GCFC2: variants seen among roughly 807,000 people sequenced by gnomAD.
GCFC2 encodes the protein GC-rich sequence DNA-binding factor 2, also known as intron Large complex component GCFC2.
GCFC2 carries 102 observed loss-of-function variants against 99.4 expected under a neutral mutation model. The ratio of observed to expected loss-of-function variants is 1.03; its 90% CI spans 0.87 to 1.21. The LOEUF (loss-of-function observed/expected upper bound fraction) is 1.21, where lower values mean the gene tolerates loss of function less well. Ranked by LOEUF, GCFC2 falls within the 50% of genes most tolerant of loss-of-function variation. The pLI is 0.00. For missense variants in GCFC2, 973 were observed against 920.9 expected (o/e 1.06, Z -0.73); for synonymous variants, 338 against 316.8 (o/e 1.07, Z -0.71).
rs1366222998 is a variant in GCFC2, at chr2:75,672,878, T to C, written c.1889+566A>G. Among the ~76,000 whole-genome samples the C allele has an allele frequency of 2.0e-5, 3 of 152,232 alleles. No individual in the cohort carries two copies. The East Asian group carries it at 5.8e-4, about 29-fold the overall frequency. On this transcript the variant is annotated intron_variant, in intron 13 of 16. Coordinates refer to ENST00000321027, the MANE Select transcript of GCFC2 (RefSeq NM_003203.5). ...TCACCTGCTATGTTCCTAGGATATA[T>C]GTAAAACCAAAACCAAAACCAACCA... is the stretch of plus-strand genomic sequence containing the variant.
chr2:75,700,010 C>T (rs1422537281), intron 4 of GCFC2, among the ~76,000 whole-genome samples: 2 of 151,910 alleles, frequency 1.3e-5, no homozygotes, highest in East Asian at 3.9e-4. Context: ...AAGCAATCCT[C>T]CCACTTCAGC....
In GCFC2 at chr2:75,710,848, T is replaced by G; in HGVS notation, c.8A>C (p.His3Pro). 1.3e-6 allele frequency: 2 copies of G among 1,571,596 alleles called. No individual in the cohort carries two copies. The highest frequency in any genetic ancestry group is 4.8e-5 in the East Asian group (2 of 41,302). The part of the protein sequence containing the change: MA[H>P]RPKRTFRQRA... The stretch of plus-strand genomic sequence containing the variant: ...CTGCCGAAAAGTCCTTTTCGGCCTG[T>G]GAGCCATGGCCGAGGCCCGAGCGCC... Residue 3 changes from histidine (H) to proline (P), a missense_variant, in exon 1 of 17, where the codon CAC becomes CCC. His to Pro is a moderately conservative substitution (Grantham distance 77). Transcript: ENST00000321027.
intron 15 of GCFC2, among the ~76,000 whole-genome samples, chr2:75,669,150 G>C (rs1364946478): frequency 6.6e-6 from 1 of 152,042 alleles, no homozygotes; most frequent in Non-Finnish European, 1.5e-5. Context: ...ACTGTTGCAC[G>C]TGTTTTGGCC....
upstream of GCFC2, among the ~76,000 whole-genome samples, chr2:75,712,821 G>C (rs1247363066): frequency 6.6e-6 from 1 of 152,064 alleles, no homozygotes. Context: ...TCACCGCGAG[G>C]GTCCGCAGCT....
intron 15 of GCFC2, among the ~76,000 whole-genome samples, chr2:75,667,977 A>T (rs1287413750): frequency 6.6e-6 from 1 of 152,216 alleles, no homozygotes; most frequent in Non-Finnish European, 1.5e-5. Flanking sequence ...CTAGGTTTCC[A>T]TTAGCAACCA....
rs2104374329 is a variant in GCFC2 at position 75,696,195 on chromosome 2, C to T, written c.833+5G>A. On this transcript the variant is annotated splice_donor_5th_base_variant and intron_variant, in intron 5 of 16. Coordinates refer to ENST00000321027, the MANE Select transcript of GCFC2 (RefSeq NM_003203.5). Reference sequence around the variant, plus strand: ...AATGTAAATTTCAAAATGAGTATTGCTCACCTAGTATTTAATTGCTTCTTT... The same window carrying T: ...AATGTAAATTTCAAAATGAGTATTGTTCACCTAGTATTTAATTGCTTCTTT... 3.2e-6 allele frequency: 3 copies of T among 932,584 alleles called. No individual in the cohort carries two copies. Among genetic ancestry groups the T allele is most frequent in the East Asian group, 2.4e-5 (1 of 41,658 alleles). 57.8% of individuals were successfully genotyped at this position (932,584 alleles called of 1,614,324 possible). A position where few individuals can be genotyped will look rare whatever the true frequency, so the allele number is the denominator to read the frequency against.
At position 75,687,913 on chromosome 2, in the gene GCFC2, C is replaced by A; in HGVS notation, c.1604G>T (p.Ser535Ile). The change falls in exon 11 of 17, where the codon AGT (serine) becomes ATT (isoleucine). Residue 535 changes from serine (S) to isoleucine (I), a missense_variant. Transcript: ENST00000321027. Reference sequence around the variant, plus strand: ...ACTTTCCTTCTTTGAATCTTCCACACTGCTATCCATAAATTCTTCTACAGA... The same window carrying A: ...ACTTTCCTTCTTTGAATCTTCCACAATGCTATCCATAAATTCTTCTACAGA... Reference protein sequence around the residue: ...FKSVEEFMDSSVEDSKKESSS... With the variant: ...FKSVEEFMDSIVEDSKKESSS... 1 of 1,596,560 alleles carries A rather than the reference C, an allele frequency of 6.3e-7. No individual in the cohort carries two copies. Among genetic ancestry groups the A allele is most frequent in the Non-Finnish European group, 8.6e-7 (1 of 1,165,848 alleles).
At chr2:75,685,086 C>G (rs749899277) in intron 11 of GCFC2, among the ~76,000 whole-genome samples, 4 of 152,150 alleles carry the variant, frequency 2.6e-5, no homozygotes, top group Non-Finnish European at 4.4e-5. Flanking sequence ...GGTGGGATAG[C>G]ATTAGGAGAA....
intron 1 of GCFC2, among the ~76,000 whole-genome samples, chr2:75,706,938 A>G (rs1292315975): frequency 6.6e-6 from 1 of 152,246 alleles, no homozygotes; most frequent in African/African-American, 2.4e-5. Context: ...GCGACAAAAA[A>G]TGAAGTAATA....
chr2:75,683,399 G>T (rs1387526848), intron 11 of GCFC2, among the ~76,000 whole-genome samples: 1 of 151,820 alleles, frequency 6.6e-6, no homozygotes, highest in Non-Finnish European at 1.5e-5. Context: ...AATGCTGAGA[G>T]ATTTTGTCAC....
In GCFC2 at chr2:75,704,470, G is replaced by A. The variant is rs2298946; in HGVS notation, c.395-2047C>T. Among the ~76,000 whole-genome samples the A allele has an allele frequency of 4.6e-5, 7 of 151,626 alleles. No individual in the cohort carries two copies. The East Asian group carries it at 1.4e-3, about 29-fold the overall frequency. The stretch of plus-strand genomic sequence containing the variant: ...AATCAGCGTTTCTCAATGTGCATAG[G>A]GGATGGGCAATTCACTGCGCTGAAC... On this transcript the variant is annotated intron_variant, in intron 2 of 16. Coordinates refer to ENST00000321027, the MANE Select transcript of GCFC2 (RefSeq NM_003203.5).
intron 4 of GCFC2, among the ~76,000 whole-genome samples, chr2:75,696,954 T>G (rs539812927): frequency 3.3e-5 from 5 of 151,998 alleles, no homozygotes; most frequent in African/African-American, 1.2e-4. Context: ...CCTGGTGAAT[T>G]TTTTTGTATT....
intron 4 of GCFC2, among the ~76,000 whole-genome samples, chr2:75,699,699 G>A (rs988625018): frequency 3.4e-5 from 5 of 149,102 alleles, no homozygotes; most frequent in Non-Finnish European, 5.9e-5. Flanking sequence ...GCTCAGCCCC[G>A]CAAGTGGCTG....
chr2:75,692,380 T>G (rs1166519243), intron 6 of GCFC2, among the ~76,000 whole-genome samples: 1 of 151,918 alleles, frequency 6.6e-6, no homozygotes, highest in African/African-American at 2.4e-5. Flanking sequence ...GGCCAGGATG[T>G]GGTAGCTCAT....
At chr2:75,671,907 T>G (rs776497511) in intron 14 of GCFC2, 43 bp downstream of exon 14, 1 of 954,444 alleles carries the variant, frequency 1.0e-6, no homozygotes, top group Non-Finnish European at 1.7e-6. Flanking sequence ...GTAAACAGGA[T>G]TTTTACAAAA....
intron 2 of GCFC2, among the ~76,000 whole-genome samples, chr2:75,703,753 G>C (rs1007925758): frequency 6.6e-6 from 1 of 152,156 alleles, no homozygotes; most frequent in African/African-American, 2.4e-5. Flanking sequence ...CTCTATACCA[G>C]TGATTCAGAT....
chr2:75,664,963 C>A (rs963966317), intron 16 of GCFC2, among the ~76,000 whole-genome samples, 180 bp from the exon 17 acceptor site: 2 of 152,068 alleles, frequency 1.3e-5, no homozygotes, highest in Non-Finnish European at 2.9e-5. Context: ...AGTTCAAATA[C>A]AGATCATTAG....
intron 4 of GCFC2, among the ~76,000 whole-genome samples, chr2:75,699,404 T>A (rs1371838617): frequency 6.6e-6 from 1 of 152,202 alleles, no homozygotes; most frequent in Non-Finnish European, 1.5e-5. Flanking sequence ...TCTCCATGAA[T>A]GAGAAAGTTT....
chr2:75,693,902 A>G (rs865876327), intron 6 of GCFC2, among the ~76,000 whole-genome samples: 1 of 152,294 alleles, frequency 6.6e-6, no homozygotes. Context: ...AACTGGCACA[A>G]TCTTTCTGGA....
Sources: allele counts gnomAD v4.1 joint callset (sites outside exome capture counted in the v4.1 genomes callset), GRCh38; gene constraint gnomAD v4.1.1; transcripts MANE v1.5; gene names NCBI Gene and HGNC (gene_info 2026-07-23, HGNC 2026-07-21).